Variants in POGLUT1 observed in about 807,000 individuals in gnomAD.
The protein encoded by POGLUT1 is protein O-glucosyltransferase 1.
A neutral mutation model predicts 61.3 loss-of-function variants in POGLUT1; 32 were observed. That is an observed-to-expected ratio of 0.52 (90% CI 0.39 to 0.70). The LOEUF is 0.70. Ranked by LOEUF, POGLUT1 falls within the 30% of genes least tolerant of loss-of-function variation. The pLI, the probability that POGLUT1 is intolerant of heterozygous loss-of-function variation, is 0.00. For synonymous variants in POGLUT1, 158 were observed against 158.2 expected (o/e 1.00, Z 0.01); for missense variants, 411 against 469.8 (o/e 0.87, Z 1.16).
chr3:119,469,163 C>T, intron 1 of POGLUT1, 57 bp downstream of exon 1: 1 of 1,364,086 alleles, frequency 7.3e-7, no homozygotes, highest in Non-Finnish European at 1.0e-6. Flanking sequence ...GCCGGAGTCC[C>T]GAGGCGCTCC....
rs587777295 is a variant in POGLUT1, at chr3:119,490,549, A to C, written c.798-2A>C. On this transcript the variant is annotated splice_acceptor_variant, in intron 8 of 10. Transcript: ENST00000295588. LOFTEE classifies it high-confidence loss of function. Reference sequence around the variant, plus strand: ...AAATGTATTTTGTTCTTTTTTCCCCAGGTATCTGTTTAATTTTCGAGGCGT... The same window carrying C: ...AAATGTATTTTGTTCTTTTTTCCCCCGGTATCTGTTTAATTTTCGAGGCGT... 2.5e-6 allele frequency: 4 copies of C among 1,613,460 alleles called. No individual in the cohort carries two copies. The highest frequency in any genetic ancestry group is 3.4e-6 in the Non-Finnish European group (4 of 1,179,640).
At chr3:119,480,790 G>A (rs2081597391) in intron 5 of POGLUT1, among the ~76,000 whole-genome samples, 1 of 148,828 alleles carries the variant, frequency 6.7e-6, no homozygotes, top group African/African-American at 2.5e-5. Flanking sequence ...CCAGGCTGGA[G>A]TGCAGTGGTG....
chr3:119,492,121 T>C (rs1466464579), intron 10 of POGLUT1, among the ~76,000 whole-genome samples, 161 bp from the exon 11 acceptor site: 1 of 152,188 alleles, frequency 6.6e-6, no homozygotes, highest in Admixed American at 6.5e-5. Flanking sequence ...TACATGCATG[T>C]ATGTGGATAT....
intron 5 of POGLUT1, among the ~76,000 whole-genome samples, chr3:119,483,188 A>T (rs1031250370): frequency 6.6e-6 from 1 of 152,242 alleles, no homozygotes. Flanking sequence ...ATCCTAAGGA[A>T]TTAATCAGAT....
At chr3:119,491,474 G>T in intron 9 of POGLUT1, 44 bp from the exon 10 acceptor site, 1 of 901,042 alleles carries the variant, frequency 1.1e-6, no homozygotes, top group Non-Finnish European at 1.8e-6. Context: ...TAGTGCCAAT[G>T]AAGTTGGTCT....
At chr3:119,481,217 A>C (rs1259674206) in intron 5 of POGLUT1, among the ~76,000 whole-genome samples, 1 of 152,222 alleles carries the variant, frequency 6.6e-6, no homozygotes, top group Non-Finnish European at 1.5e-5. Flanking sequence ...TAAATGTCCC[A>C]TAAGCATCTC....
In POGLUT1 at chr3:119,469,115, C is replaced by T; in HGVS notation, c.85+9C>T. 4 of 1,590,378 alleles carry T rather than the reference C, an allele frequency of 2.5e-6. No homozygotes were observed. Among genetic ancestry groups the T allele is most frequent in the Non-Finnish European group, 3.4e-6 (4 of 1,169,252 alleles). ...CCGCCAGAAGGAGTCAGGTGGGCTCCGGGCAGTGCCGAGCCTGCCCCTTGG... is the reference window on the plus strand; with the variant it reads ...CCGCCAGAAGGAGTCAGGTGGGCTCTGGGCAGTGCCGAGCCTGCCCCTTGG... On this transcript the variant is annotated intron_variant, in intron 1 of 10. Transcript: ENST00000295588.
At chr3:119,469,575 G>C (rs1040965124) in intron 1 of POGLUT1, among the ~76,000 whole-genome samples, 5 of 152,212 alleles carry the variant, frequency 3.3e-5, no homozygotes, top group African/African-American at 1.2e-4. Context: ...AGCATTCTGA[G>C]GGTTGAGCAT....
chr3:119,486,977 C>A, intron 7 of POGLUT1, 45 bp downstream of exon 7: 1 of 1,252,068 alleles, frequency 8.0e-7, no homozygotes, highest in South Asian at 1.2e-5. Context: ...TGAACATTCT[C>A]ACTCAAAGAA....
intron 4 of POGLUT1, chr3:119,478,280 C>A: frequency 6.6e-6 from 3 of 452,122 alleles, no homozygotes; most frequent in South Asian, 4.7e-5. Flanking sequence ...TTGTCTAAAG[C>A]AGAGGGACCT....
rs529186061 is a variant in POGLUT1 at position 119,472,811 on chromosome 3, G to A, written c.320+1359G>A. ...TTCGGGAAGTCAATGCACGCAGATC[G>A]CTTGAGCTCAGGAGTTCAAGACGAG... On this transcript the variant is annotated intron_variant, in intron 3 of 10. Coordinates refer to ENST00000295588, the MANE Select transcript of POGLUT1 (RefSeq NM_152305.3). Among the ~76,000 whole-genome samples the A allele has an allele frequency of 4.6e-5, 7 of 152,334 alleles. No homozygotes were observed. The East Asian group carries it at 1.3e-3, about 29-fold the overall frequency.
rs188613766 is a variant in POGLUT1 at position 119,494,306 on chromosome 3, G to A, written c.*1868G>A. On this transcript the variant is annotated 3_prime_UTR_variant, in exon 11 of 11. Coordinates refer to ENST00000295588, the MANE Select transcript of POGLUT1 (RefSeq NM_152305.3). Reference sequence around the variant, plus strand: ...CTATTGGGTGGGTGGATGGATGGATGGAGGAATGGAGACAGTTGGCTTAAC... The same window carrying A: ...CTATTGGGTGGGTGGATGGATGGATAGAGGAATGGAGACAGTTGGCTTAAC... 1 of 152,684 alleles carries A rather than the reference G, an allele frequency of 6.5e-6. No individual in the cohort carries two copies. Among genetic ancestry groups the A allele is most frequent in the African/African-American group, 2.4e-5 (1 of 41,558 alleles). 9.5% of individuals were successfully genotyped at this position (152,684 alleles called of 1,614,324 possible). A position where few individuals can be genotyped will look rare whatever the true frequency, so the allele number is the denominator to read the frequency against.
intron 5 of POGLUT1, among the ~76,000 whole-genome samples, chr3:119,480,712 C>T (rs928675726): frequency 3.3e-5 from 5 of 150,494 alleles, no homozygotes; most frequent in Admixed American, 2.0e-4. Context: ...TTATCAGAGA[C>T]TTTTGTTTTG....
At chr3:119,470,895 G>T (rs530738492) in intron 2 of POGLUT1, among the ~76,000 whole-genome samples, 9 of 152,244 alleles carry the variant, frequency 5.9e-5, no homozygotes, top group African/African-American at 7.2e-5. Context: ...AAGGGCTTGT[G>T]GGGGAGAGTG....
intron 7 of POGLUT1, 131 bp downstream of exon 7, chr3:119,487,063 C>T (rs2081673719): frequency 4.4e-6 from 3 of 682,092 alleles, no homozygotes; most frequent in Non-Finnish European, 7.9e-6. Flanking sequence ...TTCCATGAAC[C>T]AGCATTAGCA....
In POGLUT1 at chr3:119,490,575, A is replaced by T. The variant is rs1485004020; in HGVS notation, c.822A>T (p.Val274=). ...KYKYLFNFRG[V]AASFRFKHLF... Reference sequence around the variant, plus strand: ...GGTATCTGTTTAATTTTCGAGGCGTAGCTGCAAGTTTCCGGTTTAAACACC... The same window carrying T: ...GGTATCTGTTTAATTTTCGAGGCGTTGCTGCAAGTTTCCGGTTTAAACACC... The change falls in exon 9 of 11, where the codon GTA becomes GTT. Residue 274 remains valine (V), a synonymous_variant. Coordinates refer to ENST00000295588, the MANE Select transcript of POGLUT1 (RefSeq NM_152305.3). 1 of 1,614,156 alleles carries T rather than the reference A, an allele frequency of 6.2e-7. No individual in the cohort carries two copies. Among genetic ancestry groups the T allele is most frequent in the South Asian group, 1.1e-5 (1 of 91,086 alleles).
chr3:119,482,387 T>G (rs1193431533), intron 5 of POGLUT1, among the ~76,000 whole-genome samples: 1 of 149,238 alleles, frequency 6.7e-6, no homozygotes, highest in Non-Finnish European at 1.5e-5. Context: ...GTCACTTTAT[T>G]TATTTGTTTG....
chr3:119,492,384 G>C lies in POGLUT1; in HGVS notation c.1125G>C (p.Thr375=). 6.2e-7 allele frequency: 1 copy of C among 1,606,848 alleles called. No individual in the cohort carries two copies. The highest frequency in any genetic ancestry group is 8.5e-7 in the Non-Finnish European group (1 of 1,174,948). Reference sequence around the variant, plus strand: ...CTAAATTCCTGTCTTATAATGTAACGAGAAGGAAAGGTTATGATCAAATTA... The same window carrying C: ...CTAAATTCCTGTCTTATAATGTAACCAGAAGGAAAGGTTATGATCAAATTA... ...EYSKFLSYNV[T]RRKGYDQIIP... The change falls in exon 11 of 11, where the codon ACG becomes ACC. Residue 375 remains threonine (T), a synonymous_variant. Coordinates refer to ENST00000295588, the MANE Select transcript of POGLUT1 (RefSeq NM_152305.3).
intron 5 of POGLUT1, among the ~76,000 whole-genome samples, chr3:119,485,077 C>CGTGGTGGCGGGCGCCT: frequency 6.6e-6 from 1 of 152,164 alleles, no homozygotes; most frequent in Non-Finnish European, 1.5e-5. Context: ...ATTAGCCGGG[C>CGTGGTGGCGGGCGCCT]GTGGTGGCGG....
Sources: gnomAD v4.1 joint callset for allele counts (sites outside exome capture counted in the v4.1 genomes callset) on GRCh38, gnomAD v4.1.1 for gene constraint, MANE v1.5 for transcripts, NCBI Gene and HGNC (gene_info 2026-07-23, HGNC 2026-07-21) for gene names.